TMCC2: variants seen among roughly 807,000 people sequenced by gnomAD.
TMCC2 encodes transmembrane and coiled-coil domains protein 2.
In TMCC2, 16 loss-of-function variants were observed where a neutral mutation model predicts 49.4. The ratio of observed to expected loss-of-function variants is 0.32; its 90% CI spans 0.22 to 0.49. The LOEUF is 0.49. Among genes scored for constraint, TMCC2 ranks in the 20% least tolerant of loss-of-function variants. The pLI, the probability that TMCC2 is intolerant of heterozygous loss-of-function variation, is 0.99. For synonymous variants in TMCC2, 397 were observed against 434.1 expected, an observed-to-expected ratio of 0.91 and a Z score of 1.06; for missense variants, 762 against 989.8, an observed-to-expected ratio of 0.77 and a Z score of 3.09.
chr1:205,250,309 G>C (rs911594667), intron 2 of TMCC2, among the ~76,000 whole-genome samples: 1 of 152,180 alleles, frequency 6.6e-6, no homozygotes, highest in Non-Finnish European at 1.5e-5. Flanking sequence ...GGGAGGCCGA[G>C]GTGGGTGTAT....
intron 1 of TMCC2, among the ~76,000 whole-genome samples, chr1:205,234,314 C>T (rs534893366): frequency 2.0e-5 from 3 of 152,108 alleles, no homozygotes; most frequent in African/African-American, 7.2e-5. Flanking sequence ...GGCATGGTGG[C>T]GGGCACCTGT....
chr1:205,234,496 T>G (rs765061723), intron 1 of TMCC2, among the ~76,000 whole-genome samples: 5 of 152,106 alleles, frequency 3.3e-5, no homozygotes, highest in Non-Finnish European at 7.4e-5. Flanking sequence ...AAATTAGTTA[T>G]TTGGCCTCAC....
intron 2 of TMCC2, chr1:205,256,291 G>T: frequency 6.5e-7 from 1 of 1,547,838 alleles, no homozygotes; most frequent in South Asian, 1.2e-5. Context: ...GGACTCAGCT[G>T]GCCAGCCGGT....
At chr1:205,257,403 C>T (rs753690518) in intron 2 of TMCC2, 72 of 1,231,980 alleles carry the variant, frequency 5.8e-5, no homozygotes, top group Non-Finnish European at 6.9e-5. Flanking sequence ...AGAATTTCAC[C>T]GGGCGGGGTG....
In TMCC2 at chr1:205,257,276, C is replaced by T. The variant is rs543146017; in HGVS notation, c.748-11674C>T. Reference sequence around the variant, plus strand: ...CAGTGCTGCCCAGGGTCTGTGACCCCGGGGGCCTGACACAGTCCGCAGACA... The same window carrying T: ...CAGTGCTGCCCAGGGTCTGTGACCCTGGGGGCCTGACACAGTCCGCAGACA... On this transcript the variant is annotated intron_variant, in intron 2 of 4. Transcript: ENST00000358024. 70 of 1,232,242 alleles carry T rather than the reference C, an allele frequency of 5.7e-5. No homozygotes were observed. The East Asian group carries it at 1.2e-3, about 22-fold the overall frequency. 76.3% of individuals were successfully genotyped at this position (1,232,242 alleles called of 1,614,324 possible). A position where few individuals can be genotyped will look rare whatever the true frequency, so the allele number is the denominator to read the frequency against.
chr1:205,257,404 G>T (rs755414411), intron 2 of TMCC2: 190 of 1,231,986 alleles, frequency 1.5e-4, no homozygotes, highest in Non-Finnish European at 1.8e-4. Context: ...GAATTTCACC[G>T]GGCGGGGTGG....
intron 1 of TMCC2, among the ~76,000 whole-genome samples, chr1:205,232,076 G>T (rs1659821741): frequency 6.6e-6 from 1 of 152,160 alleles, no homozygotes; most frequent in African/African-American, 2.4e-5. Flanking sequence ...GGTTTCATGG[G>T]CTCCTATGGT....
chr1:205,249,495 A>C (rs1185834480), intron 2 of TMCC2, among the ~76,000 whole-genome samples: 1 of 152,162 alleles, frequency 6.6e-6, no homozygotes, highest in Non-Finnish European at 1.5e-5. Context: ...AGGTTTCCAA[A>C]CATGACCGCT....
chr1:205,244,542 C>G (rs1660387025), intron 2 of TMCC2, among the ~76,000 whole-genome samples: 1 of 152,126 alleles, frequency 6.6e-6, no homozygotes, highest in African/African-American at 2.4e-5. Flanking sequence ...AGGCTCTGAG[C>G]AGGAACTCAC....
chr1:205,240,758 C>T (rs543230491), intron 1 of TMCC2, among the ~76,000 whole-genome samples: 36 of 152,246 alleles, frequency 2.4e-4, no homozygotes, highest in African/African-American at 7.9e-4. Flanking sequence ...CCAGGCACTA[C>T]GTTCCCATTC....
chr1:205,260,853 G>A (rs903074292), intron 2 of TMCC2, among the ~76,000 whole-genome samples: 7 of 152,084 alleles, frequency 4.6e-5, no homozygotes, highest in Admixed American at 6.5e-5. Context: ...GAGCATTACC[G>A]GCACTTTGTT....
At chr1:205,233,421 T>C (rs549097446) in intron 1 of TMCC2, among the ~76,000 whole-genome samples, 1 of 152,332 alleles carries the variant, frequency 6.6e-6, no homozygotes. Flanking sequence ...TCCTGCCTAC[T>C]TAGTGAAGAG....
At position 205,253,014 on chromosome 1, in the gene TMCC2, G is replaced by A. The variant is rs1441099703; in HGVS notation, c.747+10970G>A. ...CTGAGTGTGGTGACATGCACCTGTAGTCCCAGCTACTTGGGAGGCTGAGGC... is the reference window on the plus strand; with the variant it reads ...CTGAGTGTGGTGACATGCACCTGTAATCCCAGCTACTTGGGAGGCTGAGGC... On this transcript the variant is annotated intron_variant, in intron 2 of 4. Transcript: ENST00000358024. 2.0e-5 allele frequency among the ~76,000 whole-genome samples: 3 copies of A among 151,722 alleles called. No homozygotes were observed. The East Asian group carries it at 5.8e-4, about 29-fold the overall frequency.
At chr1:205,259,334 G>A (rs1333308593) in intron 2 of TMCC2, among the ~76,000 whole-genome samples, 6 of 152,130 alleles carry the variant, frequency 3.9e-5, no homozygotes, top group Admixed American at 3.3e-4. Context: ...GGAAGGGGCT[G>A]CCTGCCTCAG....
chr1:205,261,374 T>A (rs1299244257), intron 2 of TMCC2, among the ~76,000 whole-genome samples: 10 of 151,774 alleles, frequency 6.6e-5, no homozygotes, highest in Non-Finnish European at 1.3e-4. Flanking sequence ...CTGGCTGTTT[T>A]TTTATTTTTT....
At chr1:205,267,106 G>A (rs1239969817) in intron 2 of TMCC2, among the ~76,000 whole-genome samples, 1 of 152,138 alleles carries the variant, frequency 6.6e-6, no homozygotes, top group East Asian at 1.9e-4. Flanking sequence ...GGGGGGATGA[G>A]GGGAGACCCA....
At chr1:205,259,143 C>A (rs1553374647) in intron 2 of TMCC2, among the ~76,000 whole-genome samples, 2 of 152,084 alleles carry the variant, frequency 1.3e-5, no homozygotes, top group Admixed American at 1.3e-4. Context: ...GACTGGGCTG[C>A]CCTGCTTTCC....
At chr1:205,255,480 A>T (rs573516580) in intron 2 of TMCC2, among the ~76,000 whole-genome samples, 1 of 152,168 alleles carries the variant, frequency 6.6e-6, no homozygotes, top group Non-Finnish European at 1.5e-5. Context: ...GGTTGAACCC[A>T]GGAGGTGGAG....
intron 2 of TMCC2, among the ~76,000 whole-genome samples, chr1:205,259,453 T>G (rs939642108): frequency 6.6e-6 from 1 of 152,242 alleles, no homozygotes; most frequent in African/African-American, 2.4e-5. Flanking sequence ...TGAAAACTGC[T>G]TAATGCATTT....
Sources: allele counts gnomAD v4.1 joint callset (sites outside exome capture counted in the v4.1 genomes callset), GRCh38; gene constraint gnomAD v4.1.1; transcripts MANE v1.5; gene names NCBI Gene and HGNC (gene_info 2026-07-23, HGNC 2026-07-21).